MCPH1: variants seen among roughly 807,000 people sequenced by gnomAD.
MCPH1 encodes the protein microcephalin.
A neutral mutation model predicts 84.5 loss-of-function variants in MCPH1; 104 were observed. The ratio of observed to expected loss-of-function variants is 1.23; its 90% CI spans 1.05 to 1.45. The LOEUF (loss-of-function observed/expected upper bound fraction) is 1.45, where lower values mean the gene tolerates loss of function less well. MCPH1 is among the 40% of genes most tolerant of loss of function. The probability of loss-of-function intolerance (pLI) is 0.00; values close to 1 mark genes in which losing one functional copy is unlikely to be tolerated. For missense variants in MCPH1, 1,498 were observed against 1,005.7 expected (o/e 1.49, Z -6.62); for synonymous variants, 514 against 366.8 (o/e 1.40, Z -4.58).
In MCPH1 at chr8:6,523,344, G is replaced by GT. The variant is rs550666519; in HGVS notation, c.2214+23416dup. Among the ~76,000 whole-genome samples the GT allele has an allele frequency of 2.6e-5, 4 of 152,274 alleles. No homozygotes were observed. In the South Asian group the frequency reaches 8.3e-4, roughly 32 times the overall value. ...TAGAGAGCTGGTAAAATTATGCCATGTAAGTCCTAAGATACTTTATTAATG... is the reference window on the plus strand; with the variant it reads ...TAGAGAGCTGGTAAAATTATGCCATGTTAAGTCCTAAGATACTTTATTAATG... On this transcript the variant is annotated intron_variant, in intron 12 of 13. Coordinates refer to ENST00000344683, the MANE Select transcript of MCPH1 (RefSeq NM_024596.5).
intron 12 of MCPH1, among the ~76,000 whole-genome samples, chr8:6,588,635 G>A (rs1350763065): frequency 2.0e-5 from 3 of 152,364 alleles, no homozygotes; most frequent in East Asian, 1.9e-4. Context: ...TGTCTCTGGC[G>A]GCCACATCTC....
rs142858644 is a variant in MCPH1, at chr8:6,444,958, T to C, written c.1236T>C (p.Tyr412=). The C allele has an allele frequency of 2.1e-4, 336 of 1,614,198 alleles. 2 individuals are homozygous for C. The African/African-American group carries it at 4.2e-3, about 20-fold the overall frequency. Reference sequence around the variant, plus strand: ...CTCTTAGCTGTGGGGAGTCTTCATATGATGACTATTTTTCACCTGATAATC... The same window carrying C: ...CTCTTAGCTGTGGGGAGTCTTCATACGATGACTATTTTTCACCTGATAATC... ...LEALSCGESS[Y]DDYFSPDNLK... is the part of the protein sequence containing the mutation. Residue 412 remains tyrosine, a synonymous_variant, in exon 8 of 14, where the codon TAT becomes TAC. Transcript: ENST00000344683.
At chr8:6,557,330 T>A (rs779529904) in intron 12 of MCPH1, among the ~76,000 whole-genome samples, 25 of 152,130 alleles carry the variant, frequency 1.6e-4, no homozygotes, top group Non-Finnish European at 3.1e-4. Flanking sequence ...ATACCTACCA[T>A]ACTTGTGTAC....
chr8:6,642,403 C>A (rs886433826), intron 13 of MCPH1, among the ~76,000 whole-genome samples: 24 of 152,106 alleles, frequency 1.6e-4, no homozygotes, highest in Non-Finnish European at 2.9e-5. Flanking sequence ...GGGCCAGGCG[C>A]AACTTGTGAT....
At chr8:6,460,167 G>T (rs1206550071) in intron 9 of MCPH1, among the ~76,000 whole-genome samples, 1 of 151,826 alleles carries the variant, frequency 6.6e-6, no homozygotes, top group Non-Finnish European at 1.5e-5. Context: ...TGCTGGGAAC[G>T]CAATCTCGTG....
intron 5 of MCPH1, among the ~76,000 whole-genome samples, chr8:6,436,414 A>C (rs1014755918): frequency 1.3e-4 from 20 of 152,234 alleles, no homozygotes; most frequent in African/African-American, 4.3e-4. Context: ...TATTTTCGGG[A>C]ATGATTTCAG....
At chr8:6,612,372 C>G (rs376228385) in intron 12 of MCPH1, among the ~76,000 whole-genome samples, 1 of 152,186 alleles carries the variant, frequency 6.6e-6, no homozygotes, top group African/African-American at 2.4e-5. Flanking sequence ...ACTCTTCTGC[C>G]CCAGCTGGAG....
chr8:6,524,223 G>C (rs556551965), intron 12 of MCPH1, among the ~76,000 whole-genome samples: 55 of 152,220 alleles, frequency 3.6e-4, no homozygotes, highest in Non-Finnish European at 7.1e-4. Context: ...GTATAAGTCA[G>C]CTGTCTTATT....
At chr8:6,477,345 A>G in intron 9 of MCPH1, 1 of 465,868 alleles carries the variant, frequency 2.1e-6, no homozygotes, top group East Asian at 3.7e-5. Context: ...TCCTGGGGGA[A>G]ATTTTTTTGT....
At chr8:6,528,056 C>T (rs71525733) in intron 12 of MCPH1, among the ~76,000 whole-genome samples, 36,615 of 148,228 alleles carry the variant, frequency 0.25, 5,414 homozygotes, top group Middle Eastern at 0.41. Context: ...CCACCATACC[C>T]AGCTAATTTT....
intron 12 of MCPH1, among the ~76,000 whole-genome samples, chr8:6,542,993 A>G (rs1010347935): frequency 6.6e-6 from 1 of 152,182 alleles, no homozygotes; most frequent in African/African-American, 2.4e-5. Flanking sequence ...CTGTTTTAAA[A>G]AGGGAGAGGA....
At chr8:6,609,827 C>CT (rs1554476356) in intron 12 of MCPH1, among the ~76,000 whole-genome samples, 3 of 126,160 alleles carry the variant, frequency 2.4e-5, no homozygotes, top group East Asian at 2.0e-4. Context: ...CCGCCCCCCC[C>CT]CCACACACAG....
intron 3 of MCPH1, among the ~76,000 whole-genome samples, chr8:6,428,603 G>A (rs1801397793): frequency 6.6e-6 from 1 of 152,130 alleles, no homozygotes; most frequent in Non-Finnish European, 1.5e-5. Flanking sequence ...TCCAATAAGC[G>A]GAATCATATG....
intron 12 of MCPH1, among the ~76,000 whole-genome samples, chr8:6,614,897 C>T (rs7017968): frequency 6.6e-6 from 1 of 151,462 alleles, no homozygotes; most frequent in South Asian, 2.1e-4. Flanking sequence ...CCACCCTACT[C>T]CATCCCTTTT....
chr8:6,492,776 T>A (rs1443429315), intron 11 of MCPH1, among the ~76,000 whole-genome samples: 1 of 150,272 alleles, frequency 6.7e-6, no homozygotes, highest in Non-Finnish European at 1.5e-5. Context: ...TTAATAATCT[T>A]TCATTATTGA....
At chr8:6,445,808 A>T (rs1804272527) in intron 8 of MCPH1, 3 of 1,244,248 alleles carry the variant, frequency 2.4e-6, no homozygotes, top group Admixed American at 7.8e-5. Context: ...GGTCAAAAGG[A>T]TAAGTAGTCC....
intron 12 of MCPH1, among the ~76,000 whole-genome samples, chr8:6,611,120 A>T (rs899121462): frequency 7.9e-5 from 11 of 139,784 alleles, no homozygotes; most frequent in African/African-American, 3.3e-4. Flanking sequence ...ACACTCTCTC[A>T]CACACACACT....
At chr8:6,473,769 T>C in intron 9 of MCPH1, 1 of 842,506 alleles carries the variant, frequency 1.2e-6, no homozygotes, top group South Asian at 2.7e-5. Flanking sequence ...GCGTTCCTGA[T>C]ACTTAAACAA....
intron 13 of MCPH1, among the ~76,000 whole-genome samples, chr8:6,622,843 TTTTA>T (rs143562387): frequency 0.022 from 3,416 of 152,114 alleles, 139 homozygotes; most frequent in African/African-American, 0.078. Context: ...TTTTATTTGC[TTTTA>T]TTTATTTTTT....
Sources: gnomAD v4.1 joint callset for allele counts (sites outside exome capture counted in the v4.1 genomes callset) on GRCh38, gnomAD v4.1.1 for gene constraint, MANE v1.5 for transcripts, NCBI Gene and HGNC (gene_info 2026-07-23, HGNC 2026-07-21) for gene names.